CCSER2: variants seen among roughly 807,000 people sequenced by gnomAD.
CCSER2 encodes serine-rich coiled-coil domain-containing protein 2.
Under a neutral mutation model 92.3 loss-of-function variants are expected in CCSER2, and 46 were observed. The observed-to-expected ratio is 0.50, with a 90% confidence interval of 0.39 to 0.64. The LOEUF (loss-of-function observed/expected upper bound fraction) is 0.64, where lower values mean the gene tolerates loss of function less well. Among genes scored for constraint, CCSER2 ranks in the 30% least tolerant of loss-of-function variants. The pLI, the probability that CCSER2 is intolerant of heterozygous loss-of-function variation, is 0.00. For missense variants in CCSER2, 1,244 were observed against 1,238.9 expected, an observed-to-expected ratio of 1.00 and a Z score of -0.06; for synonymous variants, 433 against 431.4, an observed-to-expected ratio of 1.00 and a Z score of -0.04.
intron 4 of CCSER2, among the ~76,000 whole-genome samples, chr10:84,418,359 C>A (rs75313731): frequency 6.6e-6 from 1 of 152,094 alleles, no homozygotes; most frequent in Non-Finnish European, 1.5e-5. Context: ...TGGGGTGAGG[C>A]TTTAGGTAAT....
chr10:84,496,700 C>A (rs1430870718), intron 9 of CCSER2, among the ~76,000 whole-genome samples: 3 of 152,116 alleles, frequency 2.0e-5, no homozygotes, highest in African/African-American at 7.2e-5. Context: ...CTTTCCTGAT[C>A]CTTTGGCTAG....
rs185568848 is a variant in CCSER2, at chr10:84,400,251, C to T, written c.1615-17520C>T. Among the ~76,000 whole-genome samples, 5 of 152,170 alleles carry T rather than the reference C, an allele frequency of 3.3e-5. No homozygotes were observed. In the East Asian group the frequency reaches 9.6e-4, roughly 29 times the overall value. On this transcript the variant is annotated intron_variant, in intron 3 of 9. Transcript: ENST00000372088. ...AGTCCAGTTTATCTATTTTTGTTGT[C>T]ATTGTTTATGCTCTTAATGTCGTAT...
chr10:84,331,428 C>A (rs1843557377), intron 1 of CCSER2, among the ~76,000 whole-genome samples: 1 of 152,200 alleles, frequency 6.6e-6, no homozygotes, highest in Admixed American at 6.5e-5. Flanking sequence ...GTTTTAACTT[C>A]AGTGCTTGGG....
chr10:84,423,982 TAAAAAAAAA>T (rs3044102), intron 4 of CCSER2, among the ~76,000 whole-genome samples: 7 of 108,178 alleles, frequency 6.5e-5, no homozygotes, highest in South Asian at 6.9e-4. Flanking sequence ...CCCCATCTCT[TAAAAAAAAA>T]AAAAAAAAAA....
intron 6 of CCSER2, among the ~76,000 whole-genome samples, chr10:84,462,488 A>G (rs577855163): frequency 3.9e-5 from 6 of 152,314 alleles, no homozygotes; most frequent in African/African-American, 1.2e-4. Context: ...ATGCTTTTAT[A>G]TGTCTAGGCA....
At chr10:84,343,688 G>A (rs372352929) in intron 1 of CCSER2, among the ~76,000 whole-genome samples, 28 of 152,318 alleles carry the variant, frequency 1.8e-4, no homozygotes, top group East Asian at 1.5e-3. Context: ...AGAAGATGAT[G>A]TGTTAGTATT....
At chr10:84,377,911 A>G (rs1191687414) in intron 3 of CCSER2, among the ~76,000 whole-genome samples, 5 of 152,190 alleles carry the variant, frequency 3.3e-5, no homozygotes, top group Admixed American at 1.3e-4. Flanking sequence ...TTTATCATGT[A>G]TATTGGACTT....
intron 7 of CCSER2, among the ~76,000 whole-genome samples, chr10:84,465,263 G>A (rs1846332565): frequency 7.2e-6 from 1 of 138,248 alleles, no homozygotes; most frequent in African/African-American, 2.9e-5. Flanking sequence ...GTGTGTGTGT[G>A]TGTGTGTGTG....
At position 84,514,066 on chromosome 10, in the gene CCSER2, C is replaced by T; in HGVS notation, c.2943C>T (p.Leu981=). The stretch of plus-strand genomic sequence containing the variant: ...ATCAGAATCTGAAAGCATCTAAGCT[C>T]CGCCCCCCCTCAGGCTCTTTCAAAC... ...ANNQNLKASK[L]RPPSGSFKQK... Residue 981 remains leucine, a synonymous_variant, in exon 10 of 10, where the codon CTC becomes CTT. Transcript: ENST00000372088. 1.3e-6 allele frequency: 2 copies of T among 1,536,368 alleles called. No individual in the cohort carries two copies. Among genetic ancestry groups the T allele is most frequent in the Non-Finnish European group, 1.7e-6 (2 of 1,146,980 alleles).
At chr10:84,495,713 G>C (rs765850865) in intron 9 of CCSER2, among the ~76,000 whole-genome samples, 15 of 149,342 alleles carry the variant, frequency 1.0e-4, no homozygotes, top group Non-Finnish European at 1.9e-4. Context: ...CTTTCTATAT[G>C]TGGGTATTCT....
chr10:84,340,458 T>C (rs61865004), intron 1 of CCSER2, among the ~76,000 whole-genome samples: 18,779 of 139,368 alleles, frequency 0.13, 1,438 homozygotes, highest in Admixed American at 0.23. Flanking sequence ...ATTCAATTTG[T>C]ACAGAATATA....
chr10:84,394,915 A>G (rs1420526578), intron 3 of CCSER2, among the ~76,000 whole-genome samples: 1 of 152,096 alleles, frequency 6.6e-6, no homozygotes, highest in African/African-American at 2.4e-5. Flanking sequence ...CAGTGAACTT[A>G]AAAGTAATTT....
At position 84,470,378 on chromosome 10, in the gene CCSER2, G is replaced by T; in HGVS notation, c.2155G>T (p.Asp719Tyr). 1.5e-6 allele frequency: 2 copies of T among 1,313,502 alleles called. No homozygotes were observed. The highest frequency in any genetic ancestry group is 1.5e-5 in the African/African-American group (1 of 65,418). The allele number at this position is 1,313,502 out of a possible 1,614,324, so 81.4% of individuals were successfully genotyped here. A position where few individuals can be genotyped will look rare whatever the true frequency, so the allele number is the denominator to read the frequency against. ...EDGDKVYKNEDLLNEIKQLKD... is the reference protein window; with the variant it reads ...EDGDKVYKNEYLLNEIKQLKD... ...AGATTTTTTAATATTTCAGAATGAAGATTTATTAAATGAAATAAAACAACT... is the reference window on the plus strand; with the variant it reads ...AGATTTTTTAATATTTCAGAATGAATATTTATTAAATGAAATAAAACAACT... The change falls in exon 8 of 10, where the codon GAT becomes TAT. Residue 719 changes from aspartate to tyrosine, a missense_variant. Physicochemically the swap from Asp to Tyr is radical, Grantham distance 160. Coordinates refer to ENST00000372088, the MANE Select transcript of CCSER2 (RefSeq NM_001284240.2).
chr10:84,474,467 C>T (rs1450072066), intron 8 of CCSER2, among the ~76,000 whole-genome samples: 1 of 151,938 alleles, frequency 6.6e-6, no homozygotes, highest in Non-Finnish European at 1.5e-5. Context: ...TCGAGACCAG[C>T]CTGGCCAACA....
intron 6 of CCSER2, among the ~76,000 whole-genome samples, chr10:84,461,604 T>C (rs894083937): frequency 6.6e-6 from 1 of 152,114 alleles, no homozygotes; most frequent in African/African-American, 2.4e-5. Context: ...TTTAAAATTT[T>C]GGTTTTTGAC....
intron 9 of CCSER2, among the ~76,000 whole-genome samples, chr10:84,492,032 C>T (rs2131806620): frequency 6.6e-6 from 1 of 152,274 alleles, no homozygotes; most frequent in East Asian, 1.9e-4. Flanking sequence ...GTAATCCCAG[C>T]ACTTTGAGAG....
chr10:84,485,709 A>C (rs186837236), intron 9 of CCSER2, among the ~76,000 whole-genome samples: 1 of 152,118 alleles, frequency 6.6e-6, no homozygotes, highest in East Asian at 1.9e-4. Flanking sequence ...TTTAATCAGC[A>C]TTTTTCAGTT....
rs1391901804 is a variant in CCSER2, at chr10:84,441,790, G to A, written c.2064+3083G>A. On this transcript the variant is annotated intron_variant, in intron 6 of 9. Transcript: ENST00000372088. ...TTTTTTTTTTTTGAGACGAAGTCTC[G>A]CTGTCTCTCAGGCTGGAGTGCAGTG... Among the ~76,000 whole-genome samples the A allele has an allele frequency of 1.0e-4, 12 of 115,094 alleles. No homozygotes were observed. In the East Asian group the frequency reaches 2.0e-3, roughly 20 times the overall value. 75.5% of individuals were successfully genotyped at this position (115,094 alleles called of 152,430 possible). A position where few individuals can be genotyped will look rare whatever the true frequency, so the allele number is the denominator to read the frequency against.
intron 1 of CCSER2, among the ~76,000 whole-genome samples, chr10:84,332,430 A>T (rs1156668494): frequency 0.01 from 733 of 72,882 alleles, 15 homozygotes; most frequent in East Asian, 0.061. Flanking sequence ...ATATATATAT[A>T]TATATATTTT....
Sources: gnomAD v4.1 joint callset for allele counts (sites outside exome capture counted in the v4.1 genomes callset) on GRCh38, gnomAD v4.1.1 for gene constraint, MANE v1.5 for transcripts, NCBI Gene and HGNC (gene_info 2026-07-23, HGNC 2026-07-21) for gene names.